Variants in MSI1 observed in about 807,000 individuals in gnomAD.
MSI1 encodes the protein RNA-binding protein Musashi homolog 1.
In MSI1, 15 loss-of-function variants were observed where a neutral mutation model predicts 54.4. The ratio of observed to expected loss-of-function variants is 0.28; its 90% CI spans 0.18 to 0.42. The LOEUF is 0.42. Ranked by LOEUF, MSI1 falls within the 20% of genes least tolerant of loss-of-function variation. The pLI is 1.00. For synonymous variants in MSI1, 200 were observed against 196.5 expected, an observed-to-expected ratio of 1.02 and a Z score of -0.15; for missense variants, 304 against 506.0, an observed-to-expected ratio of 0.60 and a Z score of 3.83.
Position 120,368,808 on chromosome 12 carries a change from G to A in MSI1, c.100+25C>T, listed in dbSNP as rs1876202397. 7.1e-7 allele frequency: 1 copy of A among 1,398,834 alleles called. No homozygotes were observed. The allele number at this position is 1,398,834 out of a possible 1,614,324, so 86.7% of individuals were successfully genotyped here. On this transcript the variant is annotated intron_variant, in intron 2 of 14. Coordinates refer to ENST00000257552, the MANE Select transcript of MSI1 (RefSeq NM_002442.4). This position sits in a 1 kb window ranked among gnomAD's most constrained non-coding sequence, Gnocchi z 6.6. The stretch of plus-strand genomic sequence containing the variant: ...GGGGTCCGGGGTGCCCTGCCGGACC[G>A]GCGGGCGCTCCCGGGCTCGCTCACC...
At chr12:120,364,862 T>G (rs1261090007) in intron 4 of MSI1, 107 bp from the exon 5 acceptor site, 12 of 953,988 alleles carry the variant, frequency 1.3e-5, no homozygotes, top group Non-Finnish European at 1.7e-5. Flanking sequence ...GACACAAAGG[T>G]GACAGAAATC....
rs1040991485 is a variant in MSI1, at chr12:120,347,035, C to T, written c.859+411G>A. On this transcript the variant is annotated intron_variant, in intron 12 of 14. Coordinates refer to ENST00000257552, the MANE Select transcript of MSI1 (RefSeq NM_002442.4). ...CGTGATCTCAGCTCACTGCAACCTC[C>T]GCCTCCCGGGTTCAAGCGATTCTCC... Among the ~76,000 whole-genome samples, 25 of 152,096 alleles carry T rather than the reference C, an allele frequency of 1.6e-4. No individual in the cohort carries two copies. The East Asian group carries it at 2.3e-3, about 14-fold the overall frequency.
chr12:120,367,676 A>G (rs879290089), intron 4 of MSI1, among the ~76,000 whole-genome samples: 4 of 151,942 alleles, frequency 2.6e-5, no homozygotes, highest in Non-Finnish European at 4.4e-5. Flanking sequence ...TGACTCACCC[A>G]ATTTGGGCTG....
In MSI1 at chr12:120,368,693, T is replaced by A; in HGVS notation, c.100+140A>T. ...CGCGGATCGCCCTGCGCTCTCGGGG[T>A]CTCCGGGCGGGGCGCGAAAGAGGGC... On this transcript the variant is annotated intron_variant, in intron 2 of 14. Coordinates refer to ENST00000257552, the MANE Select transcript of MSI1 (RefSeq NM_002442.4). The surrounding 1 kb of genome is among the most constrained non-coding windows in gnomAD (Gnocchi z 6.6). 1.4e-6 allele frequency: 1 copy of A among 714,372 alleles called. No individual in the cohort carries two copies. Among genetic ancestry groups the A allele is most frequent in the Non-Finnish European group, 1.9e-6 (1 of 533,130 alleles). The allele number at this position is 714,372 out of a possible 1,614,324, so 44.3% of individuals were successfully genotyped here.
chr12:120,351,468 C>T, intron 10 of MSI1, 68 bp from the exon 11 acceptor site: 1 of 1,422,072 alleles, frequency 7.0e-7, no homozygotes, highest in Non-Finnish European at 9.8e-7. Flanking sequence ...CCAGGGAGGA[C>T]AAATGCACCC....
In MSI1 at chr12:120,368,374, G is replaced by T; in HGVS notation, c.101-101C>A. On this transcript the variant is annotated intron_variant, in intron 2 of 14. Coordinates refer to ENST00000257552, the MANE Select transcript of MSI1 (RefSeq NM_002442.4). The surrounding 1 kb of genome is among the most constrained non-coding windows in gnomAD (Gnocchi z 6.6). ...ACCCCGGAGCGGCCCGGCCGCCCCC[G>T]CGCCAAGCTGCCCGCGCGTTCTCCA... 1 of 1,171,186 alleles carries T rather than the reference G, an allele frequency of 8.5e-7. No individual in the cohort carries two copies. The highest frequency in any genetic ancestry group is 1.1e-6 in the Non-Finnish European group (1 of 893,164). The allele number at this position is 1,171,186 out of a possible 1,614,324, so 72.5% of individuals were successfully genotyped here.
rs1483141329 is a variant in MSI1, at chr12:120,342,636, A to T, written c.*491T>A. 7.4e-5 allele frequency: 10 copies of T among 135,040 alleles called. No individual in the cohort carries two copies. The highest frequency in any genetic ancestry group is 2.5e-4 in the South Asian group (1 of 4,006). The allele number at this position is 135,040 out of a possible 1,614,324, so 8.4% of individuals were successfully genotyped here. On this transcript the variant is annotated 3_prime_UTR_variant, in exon 15 of 15. Transcript: ENST00000257552. ...ACATTCACAAACCTAGAAATAGTTTAAAAAAGGTTTCTTTAAAAAAAAAAA... is the reference window on the plus strand; with the variant it reads ...ACATTCACAAACCTAGAAATAGTTTTAAAAAGGTTTCTTTAAAAAAAAAAA...
At chr12:120,360,939 A>G (rs1186010008) in intron 6 of MSI1, among the ~76,000 whole-genome samples, 1 of 151,994 alleles carries the variant, frequency 6.6e-6, no homozygotes, top group Non-Finnish European at 1.5e-5. Flanking sequence ...ACAGGTGTGC[A>G]CCACCAAGCC....
intron 13 of MSI1, 151 bp from the exon 14 acceptor site, chr12:120,345,783 A>AC (rs991658462): frequency 3.9e-5 from 35 of 894,134 alleles, no homozygotes; most frequent in Non-Finnish European, 5.9e-5. Flanking sequence ...TACCCGGATC[A>AC]CCCCCCACTG....
rs370623599 is a variant in MSI1 at position 120,365,058 on chromosome 12, G to A, written c.268-303C>T. Among the ~76,000 whole-genome samples, 172 of 152,130 alleles carry A rather than the reference G, an allele frequency of 1.1e-3. 1 individual carries two copies. The highest frequency in any genetic ancestry group is 3.7e-3 in the African/African-American group (153 of 41,492). ...CCCTAGTAGCTGGGATTACAGGTGC[G>A]CACCACCACACCCAGCTAATTTTTG... On this transcript the variant is annotated intron_variant, in intron 4 of 14. Coordinates refer to ENST00000257552, the MANE Select transcript of MSI1 (RefSeq NM_002442.4).
intron 14 of MSI1, among the ~76,000 whole-genome samples, chr12:120,343,857 T>C (rs1873894811): frequency 1.3e-5 from 2 of 152,104 alleles, no homozygotes; most frequent in South Asian, 4.2e-4. Flanking sequence ...CGAGGTATCC[T>C]GTTGTTTTTT....
chr12:120,362,985 G>A (rs1592947548), intron 6 of MSI1, 58 bp downstream of exon 6: 4 of 1,410,814 alleles, frequency 2.8e-6, no homozygotes, highest in Non-Finnish European at 4.0e-6. Context: ...GCTTGCTAGT[G>A]CCCCATTCTA....
intron 7 of MSI1, among the ~76,000 whole-genome samples, 200 bp from the exon 8 acceptor site, chr12:120,358,098 G>A (rs1875296829): frequency 6.6e-6 from 1 of 152,182 alleles, no homozygotes; most frequent in Non-Finnish European, 1.5e-5. Flanking sequence ...AGGAAAATAA[G>A]GTTCAGGTAA....
At chr12:120,363,180 C>T (rs1875789598) in intron 5 of MSI1, 45 bp from the exon 6 acceptor site, 2 of 1,544,972 alleles carry the variant, frequency 1.3e-6, no homozygotes, top group South Asian at 2.2e-5. Flanking sequence ...AGTCCTGTGG[C>T]CTACCGCCAC....
At chr12:120,360,820 A>C (rs1875567608) in intron 6 of MSI1, among the ~76,000 whole-genome samples, 1 of 104,134 alleles carries the variant, frequency 9.6e-6, no homozygotes, top group Admixed American at 1.2e-4. Context: ...TAAATGAAAG[A>C]CACCTTTTTT....
intron 14 of MSI1, 93 bp downstream of exon 14, chr12:120,345,477 G>T: frequency 2.6e-6 from 3 of 1,134,650 alleles, no homozygotes; most frequent in Non-Finnish European, 3.9e-6. Context: ...TGTGGTTCTT[G>T]AGGGCAGGGA....
At chr12:120,351,285 G>T in intron 11 of MSI1, 59 bp downstream of exon 11, 1 of 1,481,414 alleles carries the variant, frequency 6.8e-7, no homozygotes, top group East Asian at 2.3e-5. Flanking sequence ...GAAACTCCCT[G>T]GGCCCCTTCT....
At chr12:120,363,259 AG>A (rs1160425829) in intron 5 of MSI1, 124 bp from the exon 6 acceptor site, 7 of 665,522 alleles carry the variant, frequency 1.1e-5, no homozygotes, top group Admixed American at 2.8e-5. Flanking sequence ...GCCTCTTTAA[AG>A]GCCCCCCCCC....
chr12:120,351,646 G>A (rs1874607179), intron 10 of MSI1, among the ~76,000 whole-genome samples: 1 of 151,886 alleles, frequency 6.6e-6, no homozygotes, highest in African/African-American at 2.4e-5. Context: ...CAGGGCTGGA[G>A]CTACGATTCC....
Sources: gnomAD v4.1 joint callset for allele counts (sites outside exome capture counted in the v4.1 genomes callset) on GRCh38, gnomAD v4.1.1 for gene constraint, Gnocchi (gnomAD v3.1) non-coding constraint, MANE v1.5 for transcripts, NCBI Gene and HGNC (gene_info 2026-07-23, HGNC 2026-07-21) for gene names.